PROS1: variants seen among roughly 807,000 people sequenced by gnomAD.
The protein encoded by PROS1 is protein S.
In PROS1, 29 loss-of-function variants were observed where a neutral mutation model predicts 75.9. The ratio of observed to expected loss-of-function variants is 0.38; its 90% CI spans 0.28 to 0.52. The LOEUF is 0.52. Among genes scored for constraint, PROS1 ranks in the 20% least tolerant of loss-of-function variants. PROS1 has a pLI of 0.83. For synonymous variants in PROS1, 245 were observed against 280.6 expected (o/e 0.87, Z 1.27); for missense variants, 680 against 810.3 (o/e 0.84, Z 1.95).
At chr3:93,888,571 G>A (rs1708384195) in intron 10 of PROS1, among the ~76,000 whole-genome samples, 1 of 152,072 alleles carries the variant, frequency 6.6e-6, no homozygotes, top group Non-Finnish European at 1.5e-5. Context: ...TGGAACCACT[G>A]GTCAACACAA....
intron 6 of PROS1, among the ~76,000 whole-genome samples, chr3:93,904,217 G>A (rs1169590517): frequency 6.6e-6 from 1 of 151,908 alleles, no homozygotes; most frequent in Non-Finnish European, 1.5e-5. Context: ...GTCTATCATT[G>A]TTGGACATTT....
intron 1 of PROS1, among the ~76,000 whole-genome samples, chr3:93,957,409 G>C (rs1157755206): frequency 3.3e-5 from 5 of 152,110 alleles, no homozygotes; most frequent in Non-Finnish European, 2.9e-5. Context: ...CATTAAACAT[G>C]GCTTTCTTGA....
At chr3:93,948,223 A>C (rs1576210817) in intron 1 of PROS1, among the ~76,000 whole-genome samples, 2 of 152,252 alleles carry the variant, frequency 1.3e-5, no homozygotes, top group East Asian at 3.9e-4. Flanking sequence ...AGAAGAAAAC[A>C]TTTTAAAATC....
chr3:93,876,487 G>A (rs1214875740), intron 14 of PROS1, among the ~76,000 whole-genome samples: 3 of 148,856 alleles, frequency 2.0e-5, no homozygotes, highest in African/African-American at 7.4e-5. Flanking sequence ...TACTCGGGAG[G>A]TTGAGGCAGG....
In PROS1 at chr3:93,958,148, CT is replaced by C. The variant is rs1233892519; in HGVS notation, c.76+15525del. Among the ~76,000 whole-genome samples, 7 of 152,010 alleles carry C rather than the reference CT, an allele frequency of 4.6e-5. No individual in the cohort carries two copies. In the East Asian group the frequency reaches 5.8e-4, roughly 13 times the overall value. ...AATATTGAATTATCACCCAACCCCCCTAAATTATTATTTTTACTTATATGTT... is the reference window on the plus strand; with the variant it reads ...AATATTGAATTATCACCCAACCCCCCAAATTATTATTTTTACTTATATGTT... On this transcript the variant is annotated intron_variant, in intron 1 of 14. Transcript: ENST00000394236.
chr3:93,935,311 C>T (rs752828533), intron 1 of PROS1, among the ~76,000 whole-genome samples: 1 of 152,134 alleles, frequency 6.6e-6, no homozygotes, highest in Non-Finnish European at 1.5e-5. Flanking sequence ...TAGTCCCACA[C>T]TCAGCTTTCA....
chr3:93,884,810 T>C lies in PROS1; in HGVS notation c.1410A>G (p.Lys470=), dbSNP rs1161916134. Residue 470 remains lysine, a synonymous_variant, in exon 12 of 15, where the codon AAA becomes AAG. Transcript: ENST00000394236. Reference sequence around the variant, plus strand: ...CAGTAACCAGGCAATGCTTATTTTGTTTTTCTTGAATAATTTCCTTTATTC... The same window carrying C: ...CAGTAACCAGGCAATGCTTATTTTGCTTTTCTTGAATAATTTCCTTTATTC... The part of the protein sequence containing the change: ...ASGIKEIIQE[K]QNKHCLVTVE... The C allele has an allele frequency of 6.2e-7, 1 of 1,613,816 alleles. No homozygotes were observed. Among genetic ancestry groups the C allele is most frequent in the South Asian group, 1.1e-5 (1 of 91,002 alleles).
intron 1 of PROS1, among the ~76,000 whole-genome samples, chr3:93,969,094 C>T (rs1396429379): frequency 1.4e-5 from 2 of 148,102 alleles, no homozygotes; most frequent in Admixed American, 1.3e-4. Flanking sequence ...ATTCCCTTGC[C>T]TGTTTTTTTT....
At chr3:93,920,945 A>G (rs1576195076) in intron 3 of PROS1, among the ~76,000 whole-genome samples, 1 of 152,248 alleles carries the variant, frequency 6.6e-6, no homozygotes, top group East Asian at 1.9e-4. Flanking sequence ...TTCTAGATTT[A>G]ACCTTTATCA....
intron 10 of PROS1, among the ~76,000 whole-genome samples, chr3:93,889,175 T>C (rs1463019273): frequency 6.6e-6 from 1 of 152,226 alleles, no homozygotes; most frequent in East Asian, 1.9e-4. Flanking sequence ...ATATGCATAC[T>C]AACCACCATT....
intron 8 of PROS1, 69 bp downstream of exon 8, chr3:93,898,379 T>C (rs1576182746): frequency 6.4e-7 from 1 of 1,561,066 alleles, no homozygotes; most frequent in East Asian, 2.3e-5. Context: ...CTTAGCTATG[T>C]GAAAATAAGT....
intron 1 of PROS1, among the ~76,000 whole-genome samples, chr3:93,972,806 GC>G (rs1247428217): frequency 1.3e-5 from 2 of 152,140 alleles, no homozygotes; most frequent in Non-Finnish European, 2.9e-5. Context: ...CGGAGATCCA[GC>G]CACTGCAGTC....
At position 93,928,011 on chromosome 3, in the gene PROS1, A is replaced by ATATATATTTTT. The variant is rs1235149837; in HGVS notation, c.77-605_77-604insAAAAATATATA. On this transcript the variant is annotated intron_variant, in intron 1 of 14. Coordinates refer to ENST00000394236, the MANE Select transcript of PROS1 (RefSeq NM_000313.4). ...TGTGTGTGTATATATATATATATAT[A>ATATATATTTTT]TTTTTTTTTTTTTTTTTTTTTGAGA... is the stretch of plus-strand genomic sequence containing the variant. Among the ~76,000 whole-genome samples the ATATATATTTTT allele has an allele frequency of 1.3e-4, 6 of 44,456 alleles. 1 individual carries two copies. Among genetic ancestry groups the ATATATATTTTT allele is most frequent in the South Asian group, 9.4e-4 (1 of 1,066 alleles). 29.2% of individuals were successfully genotyped at this position (44,456 alleles called of 152,430 possible).
intron 3 of PROS1, among the ~76,000 whole-genome samples, 181 bp downstream of exon 3, chr3:93,924,059 G>C (rs550800240): frequency 6.6e-6 from 1 of 152,130 alleles, no homozygotes; most frequent in Admixed American, 6.5e-5. Flanking sequence ...TTAAAGAACC[G>C]TTCCAAATTT....
Position 93,886,333 on chromosome 3 carries a change from T to C in PROS1, c.1323+3A>G, listed in dbSNP as rs773699528. ...GATGAATGATACAAGCTTGGATCAT[T>C]ACCGGTTTAATGAGTTCACTTTCCA... On this transcript the variant is annotated splice_donor_region_variant and intron_variant, in intron 11 of 14. Coordinates refer to ENST00000394236, the MANE Select transcript of PROS1 (RefSeq NM_000313.4). 3.1e-6 allele frequency: 5 copies of C among 1,613,168 alleles called. No individual in the cohort carries two copies. The highest frequency in any genetic ancestry group is 4.2e-6 in the Non-Finnish European group (5 of 1,179,246).
intron 1 of PROS1, among the ~76,000 whole-genome samples, chr3:93,952,025 G>C (rs1709507053): frequency 6.6e-6 from 1 of 152,150 alleles, no homozygotes; most frequent in Non-Finnish European, 1.5e-5. Flanking sequence ...TCAACAAGAA[G>C]AGCTAACAAC....
At chr3:93,954,773 A>G (rs1709570098) in intron 1 of PROS1, among the ~76,000 whole-genome samples, 1 of 152,210 alleles carries the variant, frequency 6.6e-6, no homozygotes, top group South Asian at 2.1e-4. Flanking sequence ...AGAAACTACC[A>G]TCAGAGTGAA....
intron 4 of PROS1, among the ~76,000 whole-genome samples, chr3:93,906,600 C>T (rs1246938611): frequency 6.6e-6 from 1 of 152,224 alleles, no homozygotes; most frequent in African/African-American, 2.4e-5. Context: ...TGCCATGGAG[C>T]TGGTAAAAGC....
At chr3:93,912,349 T>C (rs1708770313) in intron 3 of PROS1, among the ~76,000 whole-genome samples, 1 of 152,200 alleles carries the variant, frequency 6.6e-6, no homozygotes, top group African/African-American at 2.4e-5. Flanking sequence ...TATCCCAGGA[T>C]AATGTCTCCA....
Sources: gnomAD v4.1 joint callset for allele counts (sites outside exome capture counted in the v4.1 genomes callset) on GRCh38, gnomAD v4.1.1 for gene constraint, MANE v1.5 for transcripts, NCBI Gene and HGNC (gene_info 2026-07-23, HGNC 2026-07-21) for gene names.